Variants in RBM5 observed in about 807,000 individuals in gnomAD.
RBM5 encodes the protein RNA binding motif protein 5.
Under a neutral mutation model 124.6 loss-of-function variants are expected in RBM5, and 15 were observed. The observed-to-expected ratio is 0.12, with a 90% confidence interval of 0.08 to 0.19. The LOEUF is 0.19. Ranked by LOEUF, RBM5 falls within the 10% of genes least tolerant of loss-of-function variation. RBM5 has a pLI of 1.00. For synonymous variants in RBM5, 337 were observed against 361.2 expected (o/e 0.93, Z 0.76); for missense variants, 580 against 1,026.5 (o/e 0.57, Z 5.94).
intron 14 of RBM5, among the ~76,000 whole-genome samples, chr3:50,109,159 T>C (rs6778802): frequency 0.88 from 133,658 of 152,120 alleles, 59,000 homozygotes; most frequent in African/African-American, 0.96. Context: ...CTGTGAGCTC[T>C]GCCTCCCAGG....
rs749132265 is a variant in RBM5 at position 50,115,466 on chromosome 3, TGAG to T, written c.1885_1887del (p.Glu629del). ...CTGCTTACAGTGGTGACAGTGACAA[TGAG>T]GAGGAGCTGGTGGAGAGACTTGAGA... On this transcript the variant is annotated inframe_deletion, in exon 21 of 25. Transcript: ENST00000347869. 3 of 1,613,942 alleles carry T rather than the reference TGAG, an allele frequency of 1.9e-6. No homozygotes were observed. Among genetic ancestry groups the T allele is most frequent in the African/African-American group, 2.7e-5 (2 of 75,012 alleles).
intron 20 of RBM5, 133 bp downstream of exon 20, chr3:50,114,384 G>A: frequency 1.2e-6 from 1 of 808,744 alleles, no homozygotes; most frequent in South Asian, 2.1e-5. Flanking sequence ...TATTGGAGCA[G>A]TTTCTGCACA....
Position 50,118,656 on chromosome 3 carries a change from C to A in RBM5, c.*200C>A. The A allele has an allele frequency of 2.7e-6, 2 of 749,134 alleles. No homozygotes were observed. Among genetic ancestry groups the A allele is most frequent in the Non-Finnish European group, 4.3e-6 (2 of 469,712 alleles). The allele number at this position is 749,134 out of a possible 1,614,324, so 46.4% of individuals were successfully genotyped here. On this transcript the variant is annotated 3_prime_UTR_variant, in exon 25 of 25. Transcript: ENST00000347869. ...TTGCCTGGTGAATGGCCTTCCTTCC[C>A]GCCAGAGGGCTTGTGAACAGACCGG...
At position 50,118,739 on chromosome 3, in the gene RBM5, T is replaced by C. The variant is rs1056678112; in HGVS notation, c.*283T>C. On this transcript the variant is annotated 3_prime_UTR_variant, in exon 25 of 25. Coordinates refer to ENST00000347869, the MANE Select transcript of RBM5 (RefSeq NM_005778.4). ...CATAGTGTAATGTAGCGTGTTTACA[T>C]GTGTAGCCTATGTTGTGGTCCATCA... The C allele has an allele frequency of 4.9e-6, 2 of 406,240 alleles. No homozygotes were observed. Among genetic ancestry groups the C allele is most frequent in the Non-Finnish European group, 9.0e-6 (2 of 223,336 alleles). 25.2% of individuals were successfully genotyped at this position (406,240 alleles called of 1,614,324 possible).
chr3:50,090,547 T>C, intron 2 of RBM5, 96 bp downstream of exon 2: 2 of 1,441,324 alleles, frequency 1.4e-6, no homozygotes, highest in Non-Finnish European at 1.9e-6. Flanking sequence ...ATGAGTGTTT[T>C]GCGCCAGGCA....
chr3:50,107,672 C>T (rs199704843), intron 12 of RBM5, 103 bp downstream of exon 12: 545 of 104,756 alleles, frequency 5.2e-3, no homozygotes, highest in South Asian at 9.4e-3. Flanking sequence ...CTTTTCTTTT[C>T]TTTTTTTTTT....
chr3:50,106,116 C>CTATTTTTTTTTT (rs2091023417), intron 10 of RBM5, among the ~76,000 whole-genome samples: 2 of 78,838 alleles, frequency 2.5e-5, no homozygotes, highest in African/African-American at 1.1e-4. Context: ...CCACGCCCAG[C>CTATTTTTTTTTT]TATTTTTTTT....
chr3:50,107,647 C>T, intron 12 of RBM5, 78 bp downstream of exon 12: 1 of 589,648 alleles, frequency 1.7e-6, no homozygotes. Context: ...TCCTGTGGTA[C>T]TCGCAGTATG....
chr3:50,091,035 A>T (rs2090692412), intron 2 of RBM5, among the ~76,000 whole-genome samples: 1 of 152,246 alleles, frequency 6.6e-6, no homozygotes, highest in South Asian at 2.1e-4. Context: ...TGTGTCACCT[A>T]TGGGTACATG....
chr3:50,105,445 G>T, intron 9 of RBM5, 104 bp from the exon 10 acceptor site: 3 of 1,227,168 alleles, frequency 2.4e-6, no homozygotes, highest in Non-Finnish European at 3.4e-6. Context: ...AATACACTAG[G>T]AATGTCACAA....
chr3:50,099,336 A>G (rs918402121), intron 4 of RBM5, among the ~76,000 whole-genome samples: 2 of 152,060 alleles, frequency 1.3e-5, no homozygotes, highest in African/African-American at 4.8e-5. Context: ...TGCTGTTATA[A>G]TGCATTAATT....
At chr3:50,098,912 G>C (rs2090880883) in intron 4 of RBM5, among the ~76,000 whole-genome samples, 1 of 152,134 alleles carries the variant, frequency 6.6e-6, no homozygotes. Context: ...TAGACTAAAG[G>C]ATGGAGGCTT....
chr3:50,106,513 C>T (rs2091035815), intron 10 of RBM5, among the ~76,000 whole-genome samples: 1 of 152,180 alleles, frequency 6.6e-6, no homozygotes, highest in Admixed American at 6.5e-5. Flanking sequence ...GTGATCCGCT[C>T]ATCTCAGCCT....
chr3:50,090,979 A>G (rs2090691718), intron 2 of RBM5, among the ~76,000 whole-genome samples: 1 of 152,252 alleles, frequency 6.6e-6, no homozygotes, highest in African/African-American at 2.4e-5. Context: ...GAAGAAAGAA[A>G]GAGCCAAAGA....
At chr3:50,116,062 C>T (rs1324848458) in intron 22 of RBM5, 82 bp downstream of exon 22, 29 of 1,339,716 alleles carry the variant, frequency 2.2e-5, no homozygotes, top group Non-Finnish European at 1.6e-5. Context: ...AGTTCCAGAT[C>T]CCAGGGGCAG....
chr3:50,113,936 T>G lies in RBM5; in HGVS notation c.1618-14T>G. 1 of 1,607,834 alleles carries G rather than the reference T, an allele frequency of 6.2e-7. No homozygotes were observed. Among genetic ancestry groups the G allele is most frequent in the Non-Finnish European group, 8.5e-7 (1 of 1,177,420 alleles). ...TTAAATATTTTTTTGTTGGTGTTTG[T>G]TGTTTGACATTAGATTGCCAAAGAC... On this transcript the variant is annotated splice_polypyrimidine_tract_variant and intron_variant, in intron 18 of 24. Coordinates refer to ENST00000347869, the MANE Select transcript of RBM5 (RefSeq NM_005778.4).
intron 20 of RBM5, chr3:50,115,121 T>C (rs2091221110): frequency 3.7e-6 from 1 of 268,852 alleles, no homozygotes; most frequent in Non-Finnish European, 7.0e-6. Context: ...TGAGCTGAGA[T>C]TACGCCACTG....
chr3:50,118,655 C>CA lies in RBM5; in HGVS notation c.*199_*200insA. On this transcript the variant is annotated 3_prime_UTR_variant, in exon 25 of 25. Coordinates refer to ENST00000347869, the MANE Select transcript of RBM5 (RefSeq NM_005778.4). ...GTTGCCTGGTGAATGGCCTTCCTTC[C>CA]CGCCAGAGGGCTTGTGAACAGACCG... 2 of 761,344 alleles carry CA rather than the reference C, an allele frequency of 2.6e-6. No individual in the cohort carries two copies. Among genetic ancestry groups the CA allele is most frequent in the Non-Finnish European group, 4.2e-6 (2 of 480,446 alleles). The allele number at this position is 761,344 out of a possible 1,614,324, so 47.2% of individuals were successfully genotyped here.
intron 17 of RBM5, 81 bp downstream of exon 17, chr3:50,110,851 C>A: frequency 2.6e-6 from 3 of 1,143,702 alleles, no homozygotes; most frequent in Non-Finnish European, 2.5e-6. Flanking sequence ...TGAAATATTT[C>A]CTGCAAAAGA....
Sources: allele counts gnomAD v4.1 joint callset (sites outside exome capture counted in the v4.1 genomes callset), GRCh38; gene constraint gnomAD v4.1.1; transcripts MANE v1.5; gene names NCBI Gene and HGNC (gene_info 2026-07-23, HGNC 2026-07-21).